The following ELMO1 variants were observed in gnomAD, a reference collection of about 807,000 sequenced individuals.
The protein encoded by ELMO1 is engulfment and cell motility protein 1.
Under a neutral mutation model 98.9 loss-of-function variants are expected in ELMO1, and 26 were observed. The ratio of observed to expected loss-of-function variants is 0.26; its 90% CI spans 0.19 to 0.36. The LOEUF (loss-of-function observed/expected upper bound fraction) is 0.36. ELMO1 is among the 10% of genes least tolerant of loss of function. The probability of loss-of-function intolerance (pLI) is 1.00; values close to 1 mark genes in which losing one functional copy is unlikely to be tolerated. For synonymous variants in ELMO1, 346 were observed against 346.0 expected (o/e 1.00, Z 0.00); for missense variants, 627 against 935.2 (o/e 0.67, Z 4.30).
chr7:36,940,745 C>G, intron 16 of ELMO1, among the ~76,000 whole-genome samples: 1 of 152,112 alleles, frequency 6.6e-6, no homozygotes, highest in Non-Finnish European at 1.5e-5. Context: ...AAACTCTCAC[C>G]AAGTCAAACA....
At chr7:36,912,274 G>T (rs1324596863) in intron 16 of ELMO1, among the ~76,000 whole-genome samples, 1 of 152,100 alleles carries the variant, frequency 6.6e-6, no homozygotes, top group Admixed American at 6.5e-5. Context: ...TACTATAGAG[G>T]GTTTGTCAGT....
At chr7:36,903,883 T>C (rs752999690) in intron 16 of ELMO1, among the ~76,000 whole-genome samples, 1 of 152,194 alleles carries the variant, frequency 6.6e-6, no homozygotes, top group Non-Finnish European at 1.5e-5. Context: ...ACGGATAGGA[T>C]TGGTACTCTC....
intron 13 of ELMO1, among the ~76,000 whole-genome samples, chr7:37,208,111 C>T (rs1308166412): frequency 6.6e-6 from 1 of 152,206 alleles, no homozygotes; most frequent in East Asian, 1.9e-4. Context: ...ACTTAAAAGG[C>T]TGCAGATGAT....
intron 4 of ELMO1, among the ~76,000 whole-genome samples, chr7:37,311,526 A>T (rs573162546): frequency 1.1e-3 from 160 of 152,338 alleles, no homozygotes; most frequent in Non-Finnish European, 1.7e-3. Flanking sequence ...TGCTAAGTAC[A>T]TTATTTTTAA....
chr7:37,031,776 G>C (rs761455951), intron 15 of ELMO1, among the ~76,000 whole-genome samples: 2 of 152,148 alleles, frequency 1.3e-5, no homozygotes, highest in Non-Finnish European at 2.9e-5. Flanking sequence ...TTACCCAATG[G>C]AGCCGAGTTC....
chr7:36,964,118 T>C (rs1458631575), intron 16 of ELMO1, among the ~76,000 whole-genome samples: 1 of 152,228 alleles, frequency 6.6e-6, no homozygotes, highest in Non-Finnish European at 1.5e-5. Context: ...AGAGTGCCAA[T>C]AGTTTTTGTA....
At position 36,963,145 on chromosome 7, in the gene ELMO1, G is replaced by A. The variant is rs143494880; in HGVS notation, c.1437+50154C>T. Among the ~76,000 whole-genome samples, 586 of 152,174 alleles carry A rather than the reference G, an allele frequency of 3.9e-3. 3 individuals carry two copies. Among genetic ancestry groups the A allele is most frequent in the African/African-American group, 0.014 (563 of 41,516 alleles). ...CACGCCTGTAATCCCAGCACTTTGGGAGGCCGAGGTGGGCAGATCACGAGG... is the reference window on the plus strand; with the variant it reads ...CACGCCTGTAATCCCAGCACTTTGGAAGGCCGAGGTGGGCAGATCACGAGG... On this transcript the variant is annotated intron_variant, in intron 16 of 21. Transcript: ENST00000310758.
At chr7:37,008,550 C>T (rs1793314487) in intron 16 of ELMO1, among the ~76,000 whole-genome samples, 1 of 151,986 alleles carries the variant, frequency 6.6e-6, no homozygotes, top group Non-Finnish European at 1.5e-5. Flanking sequence ...TTTTCATAGA[C>T]AGGCTTTATC....
intron 14 of ELMO1, among the ~76,000 whole-genome samples, chr7:37,112,277 A>G (rs1002353839): frequency 6.6e-6 from 1 of 152,168 alleles, no homozygotes; most frequent in Non-Finnish European, 1.5e-5. Context: ...TATAATTCCA[A>G]ACTAAGTGCT....
intron 20 of ELMO1, chr7:36,862,281 ATTATCT>A (rs1802699984): frequency 6.2e-6 from 1 of 160,718 alleles, no homozygotes; most frequent in Non-Finnish European, 1.4e-5. Flanking sequence ...AGGTGAACCC[ATTATCT>A]TTATATCTGT....
In ELMO1 at chr7:36,997,199, G is replaced by C. The variant is rs147414744; in HGVS notation, c.1437+16100C>G. ...GCACAGGGTGGCTAAGCTATGACAG[G>C]AGAAAGTGATTCTTGAGAGGAATGA... On this transcript the variant is annotated intron_variant, in intron 16 of 21. Coordinates refer to ENST00000310758, the MANE Select transcript of ELMO1 (RefSeq NM_014800.11). 1.6e-3 allele frequency among the ~76,000 whole-genome samples: 240 copies of C among 152,306 alleles called. 1 individual carries two copies. The highest frequency in any genetic ancestry group is 5.4e-3 in the African/African-American group (226 of 41,556).
chr7:36,934,440 G>A (rs552228134), intron 16 of ELMO1, among the ~76,000 whole-genome samples: 4 of 152,260 alleles, frequency 2.6e-5, no homozygotes, highest in Admixed American at 2.0e-4. Context: ...CACATAGCTC[G>A]GAGACCAAAC....
At chr7:37,248,964 T>C (rs867378935) in intron 6 of ELMO1, among the ~76,000 whole-genome samples, 5 of 152,348 alleles carry the variant, frequency 3.3e-5, no homozygotes, top group African/African-American at 9.6e-5. Flanking sequence ...AAAACTGTCA[T>C]ATACATCTTT....
At chr7:37,217,802 A>C in intron 10 of ELMO1, 1 of 456,980 alleles carries the variant, frequency 2.2e-6, no homozygotes, top group South Asian at 1.5e-5. Flanking sequence ...AGCAGGAGAG[A>C]AGAAGGGATG....
At chr7:37,249,250 G>C (rs990999473) in intron 6 of ELMO1, among the ~76,000 whole-genome samples, 50 of 152,298 alleles carry the variant, frequency 3.3e-4, no homozygotes, top group African/African-American at 1.2e-3. Context: ...CCTGTTTCAA[G>C]ACTGTTCTTG....
chr7:37,356,202 T>C (rs1239016188), intron 1 of ELMO1, among the ~76,000 whole-genome samples: 1 of 152,184 alleles, frequency 6.6e-6, no homozygotes, highest in South Asian at 2.1e-4. Flanking sequence ...TAGTCTATCA[T>C]TGATGGGCAT....
At chr7:36,940,635 T>A (rs554529279) in intron 16 of ELMO1, among the ~76,000 whole-genome samples, 68 of 152,252 alleles carry the variant, frequency 4.5e-4, no homozygotes, top group Non-Finnish European at 8.4e-4. Context: ...TAGTAATCAA[T>A]GCAAATTGCC....
intron 15 of ELMO1, among the ~76,000 whole-genome samples, chr7:37,022,902 T>C (rs1056070836): frequency 1.3e-5 from 2 of 152,314 alleles, no homozygotes; most frequent in African/African-American, 4.8e-5. Context: ...ACAAAGAAAT[T>C]ATTTTTAAAA....
intron 13 of ELMO1, among the ~76,000 whole-genome samples, chr7:37,144,448 C>T (rs1359295036): frequency 1.3e-5 from 2 of 152,208 alleles, no homozygotes; most frequent in African/African-American, 2.4e-5. Context: ...TCCCCCACTC[C>T]TTTCTTATTT....
Sources: allele counts gnomAD v4.1 joint callset (sites outside exome capture counted in the v4.1 genomes callset), GRCh38; gene constraint gnomAD v4.1.1; transcripts MANE v1.5; gene names NCBI Gene and HGNC (gene_info 2026-07-23, HGNC 2026-07-21).